Variants in PIP5K1B observed in about 807,000 individuals in gnomAD.
The protein encoded by PIP5K1B is phosphatidylinositol-4-phosphate 5-kinase type 1 beta, also known as phosphatidylinositol 4-phosphate 5-kinase type-1 beta.
PIP5K1B carries 42 observed loss-of-function variants against 67.0 expected under a neutral mutation model. That is an observed-to-expected ratio of 0.63 (90% CI 0.49 to 0.81). PIP5K1B has a LOEUF of 0.81. PIP5K1B is among the 30% of genes least tolerant of loss of function. PIP5K1B has a pLI of 0.00. For missense variants in PIP5K1B, 459 were observed against 646.3 expected (o/e 0.71, Z 3.14); for synonymous variants, 214 against 231.4 (o/e 0.92, Z 0.68).
intron 14 of PIP5K1B, among the ~76,000 whole-genome samples, chr9:68,973,850 T>A (rs1304206135): frequency 6.6e-6 from 1 of 152,146 alleles, no homozygotes; most frequent in Non-Finnish European, 1.5e-5. Flanking sequence ...CCTTCAGCAG[T>A]GCCCTTTGAC....
At chr9:68,862,661 G>A (rs1407247301) in intron 4 of PIP5K1B, among the ~76,000 whole-genome samples, 4 of 152,022 alleles carry the variant, frequency 2.6e-5, no homozygotes, top group East Asian at 3.9e-4. Flanking sequence ...ATGTGGTGGT[G>A]CATGCCTGTA....
At chr9:68,975,278 A>G (rs1241631151) in intron 14 of PIP5K1B, among the ~76,000 whole-genome samples, 1 of 146,986 alleles carries the variant, frequency 6.8e-6, no homozygotes, top group African/African-American at 2.7e-5. Context: ...CATTTTCCCC[A>G]GGCTGGTCTC....
At chr9:68,727,186 T>A (rs762966335) in intron 1 of PIP5K1B, among the ~76,000 whole-genome samples, 1 of 152,164 alleles carries the variant, frequency 6.6e-6, no homozygotes, top group Non-Finnish European at 1.5e-5. Context: ...ATCCTTGATA[T>A]GGGTCAAGAC....
intron 4 of PIP5K1B, among the ~76,000 whole-genome samples, chr9:68,827,620 C>T (rs987404509): frequency 1.1e-4 from 17 of 152,022 alleles, no homozygotes; most frequent in African/African-American, 4.1e-4. Context: ...GGAGATGACA[C>T]GGGAAGGCTT....
chr9:68,950,226 A>G (rs1827992093), intron 14 of PIP5K1B, among the ~76,000 whole-genome samples: 1 of 152,048 alleles, frequency 6.6e-6, no homozygotes, highest in Non-Finnish European at 1.5e-5. Context: ...AAGCAGGGTA[A>G]TTCTCTTTCA....
intron 6 of PIP5K1B, 110 bp downstream of exon 6, chr9:68,876,904 C>A: frequency 1.5e-6 from 1 of 658,922 alleles, no homozygotes; most frequent in East Asian, 2.6e-5. Flanking sequence ...AGCTCTGGGG[C>A]GTAGTAAAAG....
chr9:68,817,970 A>T (rs1833539688), intron 2 of PIP5K1B, among the ~76,000 whole-genome samples: 1 of 152,182 alleles, frequency 6.6e-6, no homozygotes, highest in African/African-American at 2.4e-5. Flanking sequence ...TTTTCTTTGA[A>T]GTTGTGTCAT....
chr9:68,824,516 G>A (rs1833886475), intron 4 of PIP5K1B, among the ~76,000 whole-genome samples: 1 of 152,002 alleles, frequency 6.6e-6, no homozygotes, highest in Non-Finnish European at 1.5e-5. Context: ...AAACCTAAGG[G>A]GACCAGAAAT....
intron 15 of PIP5K1B, among the ~76,000 whole-genome samples, chr9:68,992,362 T>C (rs1366527735): frequency 6.6e-6 from 1 of 152,198 alleles, no homozygotes; most frequent in Non-Finnish European, 1.5e-5. Flanking sequence ...GTGTCGCTCC[T>C]GGTGTACAAG....
rs142638844 is a variant in PIP5K1B at position 68,908,336 on chromosome 9, A to AAT, written c.772-9196_772-9195dup. ...ATTCATCCAGCATAGGAAGCTGGTG[A>AAT]ATATATATATATATATACATACACA... On this transcript the variant is annotated intron_variant, in intron 8 of 15. Transcript: ENST00000265382. Among the ~76,000 whole-genome samples the AAT allele has an allele frequency of 5.5e-3, 826 of 149,024 alleles. 12 individuals are homozygous for AAT. The highest frequency in any genetic ancestry group is 0.025 in the Admixed American group (367 of 14,924).
chr9:68,716,394 A>G (rs1312120770), intron 1 of PIP5K1B, among the ~76,000 whole-genome samples: 1 of 152,244 alleles, frequency 6.6e-6, no homozygotes, highest in Admixed American at 6.5e-5. Context: ...TAATTATTTA[A>G]GAGGGAAGCA....
chr9:68,988,105 G>C (rs376817720), intron 14 of PIP5K1B, among the ~76,000 whole-genome samples: 1 of 152,122 alleles, frequency 6.6e-6, no homozygotes, highest in African/African-American at 2.4e-5. Flanking sequence ...TGACTTGTAT[G>C]CAATTTAGTC....
chr9:68,868,257 A>G (rs1564194624), intron 5 of PIP5K1B, among the ~76,000 whole-genome samples: 1 of 152,218 alleles, frequency 6.6e-6, no homozygotes, highest in South Asian at 2.1e-4. Flanking sequence ...GATAAAGAAG[A>G]AGGAGGATGG....
chr9:68,719,366 C>T (rs558094200), intron 1 of PIP5K1B, among the ~76,000 whole-genome samples: 2 of 152,294 alleles, frequency 1.3e-5, no homozygotes, highest in African/African-American at 2.4e-5. Context: ...GGAGAAACTG[C>T]ATAGCAAAGT....
chr9:68,931,223 C>T (rs535856226), intron 12 of PIP5K1B, among the ~76,000 whole-genome samples: 6 of 152,210 alleles, frequency 3.9e-5, no homozygotes, highest in South Asian at 2.1e-4. Flanking sequence ...ATTCTCCATA[C>T]GAATAATTTG....
intron 14 of PIP5K1B, chr9:68,941,030 C>T (rs1254484073): frequency 9.8e-6 from 6 of 611,360 alleles, no homozygotes; most frequent in Non-Finnish European, 1.8e-5. Context: ...ATACTTGGCT[C>T]AATGGAAGAA....
At chr9:68,940,544 G>A (rs1472309173) in intron 13 of PIP5K1B, 102 bp from the exon 14 acceptor site, 7 of 1,101,008 alleles carry the variant, frequency 6.4e-6, no homozygotes, top group Non-Finnish European at 9.0e-6. Flanking sequence ...TTTGCAGCCT[G>A]ATAGGTAAAA....
intron 2 of PIP5K1B, chr9:68,788,239 C>G: frequency 2.4e-6 from 1 of 420,458 alleles, no homozygotes; most frequent in Non-Finnish European, 4.4e-6. Context: ...GGAGACAGGC[C>G]GATACTTTTT....
chr9:68,831,749 C>A (rs1353159511), intron 4 of PIP5K1B, among the ~76,000 whole-genome samples: 1 of 152,012 alleles, frequency 6.6e-6, no homozygotes. Flanking sequence ...GATCTCAGCT[C>A]ACTGCAACCT....
Sources: gnomAD v4.1 joint callset for allele counts (sites outside exome capture counted in the v4.1 genomes callset) on GRCh38, gnomAD v4.1.1 for gene constraint, MANE v1.5 for transcripts, NCBI Gene and HGNC (gene_info 2026-07-23, HGNC 2026-07-21) for gene names.